PIWIL1: variants seen among roughly 807,000 people sequenced by gnomAD.
The protein encoded by PIWIL1 is piwi-like protein 1.
In PIWIL1, 73 loss-of-function variants were observed where a neutral mutation model predicts 114.4. That is an observed-to-expected ratio of 0.64 (90% confidence interval 0.53 to 0.78). PIWIL1 has a LOEUF of 0.78. Among genes scored for constraint, PIWIL1 ranks in the 30% least tolerant of loss-of-function variants. The pLI is 0.00. For missense variants in PIWIL1, 723 were observed against 1,063.1 expected, an observed-to-expected ratio of 0.68 and a Z score of 4.45; for synonymous variants, 375 against 369.0, an observed-to-expected ratio of 1.02 and a Z score of -0.19.
At chr12:130,344,744 C>G (rs1441517765) in intron 3 of PIWIL1, among the ~76,000 whole-genome samples, 1 of 152,140 alleles carries the variant, frequency 6.6e-6, no homozygotes, top group Non-Finnish European at 1.5e-5. Context: ...GATCCAGATT[C>G]CAGGCTCCAT....
In PIWIL1 at chr12:130,355,538, G is replaced by T. The variant is rs1269367558; in HGVS notation, c.1290-15G>T. ...TCTCTTTGTTGAGTCGCATGTAAAT[G>T]TGTTAAATTTACAGAAACGATAATG... On this transcript the variant is annotated splice_polypyrimidine_tract_variant and intron_variant, in intron 11 of 20. Coordinates refer to ENST00000245255, the MANE Select transcript of PIWIL1 (RefSeq NM_004764.5). 6.4e-7 allele frequency: 1 copy of T among 1,551,618 alleles called. No homozygotes were observed. Among genetic ancestry groups the T allele is most frequent in the Admixed American group, 1.7e-5 (1 of 59,964 alleles).
At chr12:130,345,339 C>T (rs576555460) in intron 3 of PIWIL1, 1 of 153,578 alleles carries the variant, frequency 6.5e-6, no homozygotes, top group African/African-American at 2.4e-5. Flanking sequence ...AAACCAGCAA[C>T]TTCTGTAGTT....
the PIWIL1 span, chr12:130,407,650 G>A: frequency 9.0e-7 from 1 of 1,115,876 alleles, no homozygotes; most frequent in African/African-American, 1.5e-5. Flanking sequence ...AACACACGTG[G>A]CCTCAGTGTG....
At chr12:130,399,132 T>A in the PIWIL1 span, 1 of 1,397,628 alleles carries the variant, frequency 7.2e-7, no homozygotes. Context: ...CTACATTGCC[T>A]GATTAAGGTG....
chr12:130,424,312 C>T, the PIWIL1 span: 56 of 1,231,618 alleles, frequency 4.5e-5, no homozygotes, highest in Middle Eastern at 3.1e-4. The surrounding 1 kb of genome is among the most constrained non-coding windows in gnomAD (Gnocchi z 9.8). Context: ...TGGGGGTCGT[C>T]GTTCCTGAGG....
chr12:130,354,757 C>A (rs2073318130), intron 10 of PIWIL1, 94 bp downstream of exon 10: 2 of 1,480,800 alleles, frequency 1.4e-6, no homozygotes, highest in East Asian at 2.3e-5. Flanking sequence ...CCCCTTCCCT[C>A]CCCCCAGAAA....
At position 130,354,518 on chromosome 12, in the gene PIWIL1, C is replaced by A. The variant is rs772381837; in HGVS notation, c.1045-19C>A. ...CGAGGCATTTGCCGTGAACAGCGAC[C>A]CTTTCGTCTCTTGAGCAGCAATACA... On this transcript the variant is annotated intron_variant, in intron 9 of 20. Coordinates refer to ENST00000245255, the MANE Select transcript of PIWIL1 (RefSeq NM_004764.5). 1.3e-5 allele frequency: 21 copies of A among 1,613,816 alleles called. No homozygotes were observed. In the East Asian group the frequency reaches 2.2e-4, roughly 17 times the overall value.
the PIWIL1 span, chr12:130,399,009 C>CTT: frequency 2.9e-4 from 120 of 419,662 alleles, no homozygotes; most frequent in East Asian, 6.0e-4. Flanking sequence ...TTCTTTGTAT[C>CTT]TTTTTTTTTT....
At chr12:130,380,098 CAATTCCCATCCA>C in the PIWIL1 span, among the ~76,000 whole-genome samples, 1 of 113,144 alleles carries the variant, frequency 8.8e-6, no homozygotes, top group African/African-American at 5.0e-5. Context: ...TCCCTCATCC[CAATTCCCATCCA>C]AGCATTGACA....
At chr12:130,381,705 C>T in the PIWIL1 span, among the ~76,000 whole-genome samples, 1 of 152,160 alleles carries the variant, frequency 6.6e-6, no homozygotes, top group African/African-American at 2.4e-5. Flanking sequence ...TAAGGTAAGA[C>T]TATGTTTAGT....
chr12:130,386,487 C>G, the PIWIL1 span, among the ~76,000 whole-genome samples: 12 of 16,346 alleles, frequency 7.3e-4, no homozygotes, highest in African/African-American at 3.0e-3. Context: ...CTTCCTGTCT[C>G]CATTCACCCA....
the PIWIL1 span, chr12:130,383,795 A>G: frequency 6.6e-6 from 1 of 152,210 alleles, no homozygotes; most frequent in African/African-American, 2.4e-5. Flanking sequence ...TTATTACAGA[A>G]GTTATGTTTC....
the PIWIL1 span, chr12:130,399,673 G>T: frequency 6.2e-7 from 1 of 1,614,064 alleles, no homozygotes; most frequent in Admixed American, 1.7e-5. Context: ...AAATAGGTTT[G>T]CTTACCCTTT....
At chr12:130,341,858 G>A (rs2136122633) in intron 1 of PIWIL1, among the ~76,000 whole-genome samples, 1 of 152,328 alleles carries the variant, frequency 6.6e-6, no homozygotes, top group Non-Finnish European at 1.5e-5. Flanking sequence ...CTCACAGGAA[G>A]CACTTAGTAC....
In PIWIL1 at chr12:130,370,228, T is replaced by C. The variant is rs146591132; in HGVS notation, c.2322-948T>C. 2.0e-3 allele frequency among the ~76,000 whole-genome samples: 261 copies of C among 132,720 alleles called. 1 individual carries two copies. The highest frequency in any genetic ancestry group is 6.3e-3 in the African/African-American group (238 of 37,970). 87.1% of individuals were successfully genotyped at this position (132,720 alleles called of 152,430 possible). On this transcript the variant is annotated intron_variant, in intron 19 of 20. Transcript: ENST00000245255. ...ACAATATCTCTGGATTGATATTTTA[T>C]TGGTACCAAGAAAATGAAAAAAAAA... is the stretch of plus-strand genomic sequence containing the variant.
chr12:130,371,666 A>C lies in PIWIL1; in HGVS notation c.*68A>C. 9.9e-7 allele frequency: 1 copy of C among 1,009,440 alleles called. No individual in the cohort carries two copies. The highest frequency in any genetic ancestry group is 1.5e-6 in the Non-Finnish European group (1 of 667,616). The allele number at this position is 1,009,440 out of a possible 1,614,324, so 62.5% of individuals were successfully genotyped here. The stretch of plus-strand genomic sequence containing the variant: ...TTGGGATTTTTTTAAGCTTTTATTT[A>C]CTTTTTTTTTAACTGTTATCTTTCT... On this transcript the variant is annotated 3_prime_UTR_variant, in exon 21 of 21. Transcript: ENST00000245255.
chr12:130,378,677 C>T, the PIWIL1 span, among the ~76,000 whole-genome samples: 1 of 151,872 alleles, frequency 6.6e-6, no homozygotes, highest in Non-Finnish European at 1.5e-5. Flanking sequence ...GTAATCTTAC[C>T]TTATTTTGGT....
downstream of PIWIL1, among the ~76,000 whole-genome samples, chr12:130,377,198 T>C (rs558823834): frequency 6.6e-6 from 1 of 152,352 alleles, no homozygotes; most frequent in African/African-American, 2.4e-5. Context: ...TTGTTCACTT[T>C]TGTCTTCCCA....
rs181910191 is a variant in PIWIL1, at chr12:130,346,270, C to G, written c.317-100C>G. ...TTTCATGTTGTCTGCTGCTCTTAGC[C>G]TTGTGTTTACGGAACTGTGCCTGCC... is the stretch of plus-strand genomic sequence containing the variant. On this transcript the variant is annotated intron_variant, in intron 4 of 20. Transcript: ENST00000245255. The G allele has an allele frequency of 2.2e-4, 187 of 837,428 alleles. 1 individual carries two copies. The East Asian group carries it at 4.7e-3, about 21-fold the overall frequency. The allele number at this position is 837,428 out of a possible 1,614,324, so 51.9% of individuals were successfully genotyped here. A position where few individuals can be genotyped will look rare whatever the true frequency, so the allele number is the denominator to read the frequency against.
Sources: allele counts gnomAD v4.1 joint callset (sites outside exome capture counted in the v4.1 genomes callset), GRCh38; gene constraint gnomAD v4.1.1; non-coding constraint Gnocchi (gnomAD v3.1); transcripts MANE v1.5; gene names NCBI Gene and HGNC (gene_info 2026-07-23, HGNC 2026-07-21).